PPP1R37: variants seen among roughly 807,000 people sequenced by gnomAD.
PPP1R37 encodes the protein protein phosphatase 1 regulatory subunit 37.
A neutral mutation model predicts 61.0 loss-of-function variants in PPP1R37; 21 were observed. The ratio of observed to expected loss-of-function variants is 0.34; its 90% CI spans 0.24 to 0.50. PPP1R37 has a LOEUF of 0.50. Among genes scored for constraint, PPP1R37 ranks in the 20% least tolerant of loss-of-function variants. The pLI is 0.98. For synonymous variants in PPP1R37, 443 were observed against 433.5 expected (o/e 1.02, Z -0.27); for missense variants, 910 against 952.7 (o/e 0.96, Z 0.59).
intron 1 of PPP1R37, among the ~76,000 whole-genome samples, chr19:45,115,099 G>A (rs961368181): frequency 3.9e-5 from 6 of 152,180 alleles, no homozygotes; most frequent in Non-Finnish European, 8.8e-5. Flanking sequence ...TGGGGACACA[G>A]CAGTGGCAAG....
chr19:45,111,774 C>T (rs1218523230), intron 1 of PPP1R37, among the ~76,000 whole-genome samples: 2 of 129,546 alleles, frequency 1.5e-5, no homozygotes, highest in Non-Finnish European at 3.2e-5. Context: ...TTATTTTTTG[C>T]GGGGGGCGGG....
rs1023373962 is a variant in PPP1R37, at chr19:45,145,693, C to G, written c.1637C>G (p.Pro546Arg). The change falls in exon 11 of 13, where the codon CCA becomes CGA. Residue 546 changes from proline (P) to arginine (R), a missense_variant. Physicochemically the swap from Pro to Arg is moderately radical, Grantham distance 103. Transcript: ENST00000221462. ...DSLGPGDRSP[P>R]GSPSTPTEQR... ...CTGGGCCCTGGGGACAGGAGTCCCC[C>G]AGGCAGCCCCTCCACACCCACCGAG... 1 of 1,534,682 alleles carries G rather than the reference C, an allele frequency of 6.5e-7. No individual in the cohort carries two copies. Among genetic ancestry groups the G allele is most frequent in the Admixed American group, 2.0e-5 (1 of 50,814 alleles).
intron 1 of PPP1R37, among the ~76,000 whole-genome samples, chr19:45,133,376 G>A (rs1309741446): frequency 6.6e-6 from 1 of 152,138 alleles, no homozygotes; most frequent in Non-Finnish European, 1.5e-5. Flanking sequence ...GAGCCACCGC[G>A]CCCGGCCCAG....
chr19:45,144,964 C>T lies in PPP1R37; in HGVS notation c.1098C>T (p.Leu366=), dbSNP rs556988451. 41 of 1,535,302 alleles carry T rather than the reference C, an allele frequency of 2.7e-5. No individual in the cohort carries two copies. In the African/African-American group the frequency reaches 4.9e-4, roughly 18 times the overall value. ...TCAGCAACCGCAGCGTGCTGCGCCT[C>T]GGGCTGGCCTCCACCAAGCTCACGT... ...GLISNRSVLR[L]GLASTKLTCE... Residue 366 remains leucine, a synonymous_variant, in exon 9 of 13, where the codon CTC becomes CTT. Transcript: ENST00000221462.
intron 1 of PPP1R37, among the ~76,000 whole-genome samples, chr19:45,111,038 T>TA (rs1202848601): frequency 2.0e-5 from 3 of 151,998 alleles, no homozygotes; most frequent in Non-Finnish European, 4.4e-5. Context: ...GTGGCAGTGC[T>TA]AGGAAGCATT....
chr19:45,103,131 C>T (rs905335981), intron 1 of PPP1R37, among the ~76,000 whole-genome samples: 9 of 152,232 alleles, frequency 5.9e-5, no homozygotes, highest in Non-Finnish European at 1.0e-4. Flanking sequence ...CCTGGCCCTC[C>T]GCAGGGTCTC....
chr19:45,113,892 G>A (rs904565676), intron 1 of PPP1R37, among the ~76,000 whole-genome samples: 18 of 152,184 alleles, frequency 1.2e-4, no homozygotes, highest in African/African-American at 3.6e-4. Flanking sequence ...TTCAGAGCCC[G>A]GGGGCAGGTG....
intron 1 of PPP1R37, among the ~76,000 whole-genome samples, chr19:45,120,801 C>T (rs1599700396): frequency 6.6e-6 from 1 of 151,954 alleles, no homozygotes; most frequent in Non-Finnish European, 1.5e-5. Context: ...TTAGTAGAGA[C>T]GGGGGTTTCA....
intron 11 of PPP1R37, 104 bp downstream of exon 11, chr19:45,146,153 G>T: frequency 1.6e-6 from 2 of 1,272,698 alleles, no homozygotes; most frequent in South Asian, 3.1e-5. Flanking sequence ...TCTTTAAAAT[G>T]GTTCTCGCAG....
intron 2 of PPP1R37, 39 bp from the exon 3 acceptor site, chr19:45,140,197 C>G (rs1345140133): frequency 1.3e-6 from 2 of 1,524,026 alleles, no homozygotes; most frequent in Non-Finnish European, 1.8e-6. Context: ...CCCCCCTGTT[C>G]AAGTGTCTTC....
At chr19:45,095,338 T>C (rs989592485) in intron 1 of PPP1R37, among the ~76,000 whole-genome samples, 1 of 149,084 alleles carries the variant, frequency 6.7e-6, no homozygotes, top group East Asian at 1.9e-4. Context: ...GGTTTCACCA[T>C]GTTGGCCAGG....
At chr19:45,128,357 A>G (rs903247521) in intron 1 of PPP1R37, among the ~76,000 whole-genome samples, 1 of 152,188 alleles carries the variant, frequency 6.6e-6, no homozygotes, top group African/African-American at 2.4e-5. Flanking sequence ...TACTCTTTTC[A>G]TGCTACAAGG....
intron 1 of PPP1R37, among the ~76,000 whole-genome samples, chr19:45,097,518 G>T (rs769881111): frequency 6.6e-6 from 1 of 151,908 alleles, no homozygotes; most frequent in Non-Finnish European, 1.5e-5. Context: ...GAGCTGTGGG[G>T]GGTGTCTACC....
chr19:45,101,376 G>T (rs910289971), intron 1 of PPP1R37, among the ~76,000 whole-genome samples: 1 of 152,210 alleles, frequency 6.6e-6, no homozygotes, highest in Non-Finnish European at 1.5e-5. Flanking sequence ...AGAGACTGCT[G>T]TGTGGGGCCT....
chr19:45,127,874 C>T (rs1968426723), intron 1 of PPP1R37, among the ~76,000 whole-genome samples: 1 of 150,386 alleles, frequency 6.6e-6, no homozygotes, highest in African/African-American at 2.5e-5. Flanking sequence ...ACTAGGGAGG[C>T]TGAGGCAGGA....
rs1029462054 is a variant in PPP1R37 at position 45,138,467 on chromosome 19, G to T, written c.203-47G>T. On this transcript the variant is annotated intron_variant, in intron 1 of 12. Transcript: ENST00000221462. ...CGGGAGTGGGTGGAGCCCCATGAAG[G>T]ACTCGGGGTGTGGACAGTCACAGGC... 1.3e-5 allele frequency: 18 copies of T among 1,383,664 alleles called. No homozygotes were observed. In the African/African-American group the frequency reaches 1.7e-4, roughly 13 times the overall value. The allele number at this position is 1,383,664 out of a possible 1,614,324, so 85.7% of individuals were successfully genotyped here.
At position 45,145,446 on chromosome 19, in the gene PPP1R37, A is replaced by G. The variant is rs1383894728; in HGVS notation, c.1390A>G (p.Lys464Glu). The stretch of plus-strand genomic sequence containing the variant: ...GGTGCTGGCGCGGGAGAGGGAGGAG[A>G]AGGAGCAGCCGCCACAGCTGTCGGC... ...NLVLAREREEKEQPPQLSASM... is the reference protein window; with the variant it reads ...NLVLAREREEEEQPPQLSASM... Residue 464 changes from lysine to glutamate, a missense_variant, in exon 11 of 13, where the codon AAG becomes GAG. Lys to Glu is a moderately conservative substitution (Grantham distance 56). This residue lies in a region of PPP1R37 where 549 missense variants were observed against 505.1 expected (regional missense o/e 1.09). Coordinates refer to ENST00000221462, the MANE Select transcript of PPP1R37 (RefSeq NM_019121.2). The G allele has an allele frequency of 6.5e-7, 1 of 1,535,172 alleles. No individual in the cohort carries two copies. The highest frequency in any genetic ancestry group is 2.0e-5 in the Admixed American group (1 of 50,982).
At chr19:45,141,225 G>A in intron 4 of PPP1R37, 97 bp from the exon 5 acceptor site, 3 of 1,380,198 alleles carry the variant, frequency 2.2e-6, no homozygotes, top group Non-Finnish European at 2.9e-6. Flanking sequence ...CCAGACCCTG[G>A]ACCCATCGTC....
chr19:45,140,861 G>A (rs896108377), intron 4 of PPP1R37, among the ~76,000 whole-genome samples: 9 of 152,158 alleles, frequency 5.9e-5, no homozygotes, highest in African/African-American at 1.7e-4. Flanking sequence ...AGGGGCAGGC[G>A]TGTGGCCCCC....
Sources: allele counts gnomAD v4.1 joint callset (sites outside exome capture counted in the v4.1 genomes callset), GRCh38; gene constraint gnomAD v4.1.1; regional missense constraint gnomAD v4.1.1; transcripts MANE v1.5; gene names NCBI Gene and HGNC (gene_info 2026-07-23, HGNC 2026-07-21).